The following DPY19L3 variants were observed in gnomAD, a reference collection of about 807,000 sequenced individuals.
The protein encoded by DPY19L3 is dpy-19 like C-mannosyltransferase 3.
A neutral mutation model predicts 92.3 loss-of-function variants in DPY19L3; 51 were observed. The observed-to-expected ratio is 0.55, with a 90% CI of 0.44 to 0.70. DPY19L3 has a LOEUF of 0.70. Among genes scored for constraint, DPY19L3 ranks in the 30% least tolerant of loss-of-function variants. The probability of loss-of-function intolerance (pLI) is 0.00; values close to 1 mark genes in which losing one functional copy is unlikely to be tolerated. For missense variants in DPY19L3, 706 were observed against 855.9 expected (o/e 0.82, Z 2.18); for synonymous variants, 309 against 315.2 (o/e 0.98, Z 0.21).
At chr19:32,424,021 AG>A (rs1968671128) in intron 3 of DPY19L3, among the ~76,000 whole-genome samples, 1 of 151,626 alleles carries the variant, frequency 6.6e-6, no homozygotes, top group Non-Finnish European at 1.5e-5. Flanking sequence ...GAAAAAAAAA[AG>A]GTTGGGGAGG....
At chr19:32,418,526 A>G (rs1001191200) in intron 3 of DPY19L3, among the ~76,000 whole-genome samples, 5 of 152,210 alleles carry the variant, frequency 3.3e-5, no homozygotes, top group African/African-American at 1.2e-4. Flanking sequence ...TTAAATATGT[A>G]CATATTTTCT....
At chr19:32,464,700 T>A (rs750993007) in intron 14 of DPY19L3, 28 bp from the exon 15 acceptor site, 3 of 1,345,600 alleles carry the variant, frequency 2.2e-6, no homozygotes, top group Non-Finnish European at 1.0e-6. Flanking sequence ...AAAATACTTA[T>A]AATCTAAATA....
rs760296346 is a variant in DPY19L3, at chr19:32,458,529, T to G, written c.1322+20T>G. 1 of 1,588,626 alleles carries G rather than the reference T, an allele frequency of 6.3e-7. No individual in the cohort carries two copies. The highest frequency in any genetic ancestry group is 8.5e-7 in the Non-Finnish European group (1 of 1,172,222). ...TCTCAGGTATGGTATATTTCAGAAA[T>G]CTAATGCTCTCCTTTAATGAACTTG... On this transcript the variant is annotated intron_variant, in intron 12 of 18. Transcript: ENST00000392250.
intron 10 of DPY19L3, among the ~76,000 whole-genome samples, chr19:32,456,018 T>C (rs1655597200): frequency 6.6e-6 from 1 of 151,794 alleles, no homozygotes; most frequent in South Asian, 2.1e-4. Flanking sequence ...CTTGTTCACG[T>C]CTGTTGACTA....
At chr19:32,446,344 C>CA (rs749787352) in intron 8 of DPY19L3, among the ~76,000 whole-genome samples, 1 of 148,500 alleles carries the variant, frequency 6.7e-6, no homozygotes, top group African/African-American at 2.5e-5. Context: ...AGCAAGCAAA[C>CA]AAAAAAGAAT....
chr19:32,436,607 G>A, intron 5 of DPY19L3, 40 bp downstream of exon 5: 1 of 1,387,926 alleles, frequency 7.2e-7, no homozygotes, highest in Non-Finnish European at 9.5e-7. Context: ...TCAGATGAAA[G>A]TCAAAGTCTG....
intron 8 of DPY19L3, among the ~76,000 whole-genome samples, chr19:32,444,669 A>G (rs751851873): frequency 1.3e-5 from 2 of 152,220 alleles, no homozygotes; most frequent in Non-Finnish European, 2.9e-5. Context: ...GAGCCACACT[A>G]AGACACATTA....
chr19:32,406,531 T>C (rs547758152), intron 1 of DPY19L3, among the ~76,000 whole-genome samples: 77 of 152,100 alleles, frequency 5.1e-4, no homozygotes, highest in Non-Finnish European at 7.8e-4. Context: ...GGCTATTTTA[T>C]TGTATAGATA....
chr19:32,464,828 G>T, intron 15 of DPY19L3, 44 bp downstream of exon 15: 1 of 1,311,100 alleles, frequency 7.6e-7, no homozygotes, highest in South Asian at 1.5e-5. Context: ...GTATTTAGCA[G>T]AATAATTGCT....
chr19:32,407,110 A>G (rs1967986221), intron 1 of DPY19L3, among the ~76,000 whole-genome samples: 2 of 151,876 alleles, frequency 1.3e-5, no homozygotes, highest in South Asian at 4.1e-4. Context: ...GGAAACAATC[A>G]TGTCAGGCTA....
intron 2 of DPY19L3, among the ~76,000 whole-genome samples, chr19:32,409,502 C>G (rs1968103188): frequency 6.6e-6 from 1 of 152,170 alleles, no homozygotes; most frequent in African/African-American, 2.4e-5. Flanking sequence ...TTGTTTAAAA[C>G]TTTATTTCCT....
At chr19:32,455,768 A>G (rs1969843616) in intron 10 of DPY19L3, among the ~76,000 whole-genome samples, 2 of 152,170 alleles carry the variant, frequency 1.3e-5, no homozygotes. Flanking sequence ...GATTTTTACA[A>G]TGCCCCAGGG....
At position 32,458,366 on chromosome 19, in the gene DPY19L3, T is replaced by C; in HGVS notation, c.1179T>C (p.Asn393=). 1 of 1,611,490 alleles carries C rather than the reference T, an allele frequency of 6.2e-7. No individual in the cohort carries two copies. Residue 393 remains asparagine, a synonymous_variant, in exon 12 of 19, where the codon AAT becomes AAC. Coordinates refer to ENST00000392250, the MANE Select transcript of DPY19L3 (RefSeq NM_001172774.2). The part of the protein sequence containing the change: ...GLGATRDFDA[N]LYLCEEAFGL... ...TGTTCCCTAGGGATTTTGATGCAAA[T>C]CTCTATCTGTGTGAAGAAGCTTTTG...
chr19:32,463,918 C>CT lies in DPY19L3; in HGVS notation c.1496dup (p.Cys500MetfsTer2), dbSNP rs1315346710. The CT allele has an allele frequency of 6.2e-7, 1 of 1,613,400 alleles. No individual in the cohort carries two copies. The highest frequency in any genetic ancestry group is 1.3e-5 in the African/African-American group (1 of 74,906). ...CATGTGTGTGTTCGCATCATTCGGC[C>CT]TATGTAGCCCTGAAATATGGGAGTT... is the stretch of plus-strand genomic sequence containing the variant. On this transcript the variant is annotated frameshift_variant, in exon 14 of 19. Transcript: ENST00000392250. LOFTEE classifies it high-confidence loss of function.
chr19:32,468,811 T>C lies in DPY19L3; in HGVS notation c.1695T>C (p.Ile565=), dbSNP rs369911587. The change falls in exon 16 of 19, where the codon ATT becomes ATC. Residue 565 remains isoleucine (I), a splice_region_variant and synonymous_variant. Transcript: ENST00000392250. ...DPDTVELMNW[I]NSNTPRKAVF... is the part of the protein sequence containing the mutation. ...ATACAGTGGAGCTGATGAACTGGAT[T>C]AAGTAAGAGGATTTTTTTTAACTTT... is the stretch of plus-strand genomic sequence containing the variant. 1 of 1,612,420 alleles carries C rather than the reference T, an allele frequency of 6.2e-7. No individual in the cohort carries two copies. The highest frequency in any genetic ancestry group is 8.5e-7 in the Non-Finnish European group (1 of 1,179,348).
chr19:32,443,192 G>A (rs1338142342), intron 8 of DPY19L3, among the ~76,000 whole-genome samples: 3 of 152,162 alleles, frequency 2.0e-5, no homozygotes, highest in African/African-American at 4.8e-5. Context: ...CCTGTAGAGA[G>A]CCTGAACTTT....
At chr19:32,428,510 G>T (rs1396499721) in intron 3 of DPY19L3, among the ~76,000 whole-genome samples, 1 of 152,150 alleles carries the variant, frequency 6.6e-6, no homozygotes, top group Admixed American at 6.5e-5. Context: ...AAATGAGTAA[G>T]AGGAACCACT....
chr19:32,443,306 G>A (rs919845976), intron 8 of DPY19L3, among the ~76,000 whole-genome samples: 1 of 152,232 alleles, frequency 6.6e-6, no homozygotes, highest in African/African-American at 2.4e-5. Flanking sequence ...AAAGTACTGA[G>A]GCAGCACCCT....
At chr19:32,406,770 T>C (rs1194201676) in intron 1 of DPY19L3, among the ~76,000 whole-genome samples, 1 of 152,224 alleles carries the variant, frequency 6.6e-6, no homozygotes, top group Non-Finnish European at 1.5e-5. Context: ...TTGCAGTGCC[T>C]GACACATAAT....
Sources: gnomAD v4.1 joint callset for allele counts (sites outside exome capture counted in the v4.1 genomes callset) on GRCh38, gnomAD v4.1.1 for gene constraint, MANE v1.5 for transcripts, NCBI Gene and HGNC (gene_info 2026-07-23, HGNC 2026-07-21) for gene names.